The following FMN1 variants were observed in gnomAD, a reference collection of about 807,000 sequenced individuals.
FMN1 encodes the protein formin-1.
A neutral mutation model predicts 132.4 loss-of-function variants in FMN1; 110 were observed. The observed-to-expected ratio is 0.83, with a 90% CI of 0.71 to 0.97. The LOEUF is 0.97. Among genes scored for constraint, FMN1 ranks in the 50% least tolerant of loss-of-function variants. The pLI, the probability that FMN1 is intolerant of heterozygous loss-of-function variation, is 0.00. For synonymous variants in FMN1, 722 were observed against 651.7 expected (o/e 1.11, Z -1.64); for missense variants, 1,792 against 1,705.3 (o/e 1.05, Z -0.90).
At chr15:33,161,228 C>T (rs915954209) in intron 3 of FMN1, among the ~76,000 whole-genome samples, 1 of 152,206 alleles carries the variant, frequency 6.6e-6, no homozygotes, top group Admixed American at 6.5e-5. Context: ...CTCTACCTTT[C>T]ACACCCTCCT....
chr15:32,925,712 T>G (rs1300691719), intron 10 of FMN1, among the ~76,000 whole-genome samples: 1 of 152,164 alleles, frequency 6.6e-6, no homozygotes, highest in East Asian at 1.9e-4. Context: ...ACTGAGTAAC[T>G]ACGATTAATG....
At chr15:32,785,218 A>ATATTT (rs1444523400) in intron 19 of FMN1, among the ~76,000 whole-genome samples, 6 of 39,208 alleles carry the variant, frequency 1.5e-4, no homozygotes, top group East Asian at 5.2e-4. Flanking sequence ...ATATATATAT[A>ATATTT]TTTTTTTTTT....
intron 3 of FMN1, among the ~76,000 whole-genome samples, chr15:33,177,240 T>C (rs1341813791): frequency 2.6e-5 from 4 of 152,238 alleles, no homozygotes; most frequent in Admixed American, 6.5e-5. Flanking sequence ...CTTACAGGAC[T>C]GATTGGGGAC....
chr15:32,862,835 G>C (rs2059304528), intron 16 of FMN1, among the ~76,000 whole-genome samples: 1 of 152,160 alleles, frequency 6.6e-6, no homozygotes, highest in Non-Finnish European at 1.5e-5. Flanking sequence ...GAAAGGAAAG[G>C]TTTATCAGGC....
chr15:33,067,982 A>C (rs2037826341), intron 5 of FMN1: 3 of 1,485,928 alleles, frequency 2.0e-6, no homozygotes, highest in Non-Finnish European at 2.7e-6. Flanking sequence ...CAGGACAGAG[A>C]GCAACAGGAC....
At chr15:33,084,655 A>C (rs1211213603) in intron 5 of FMN1, among the ~76,000 whole-genome samples, 1 of 152,130 alleles carries the variant, frequency 6.6e-6, no homozygotes, top group African/African-American at 2.4e-5. Flanking sequence ...GTTTTCATTT[A>C]GTTTGTTAAA....
In FMN1 at chr15:33,149,042, T is replaced by C. The variant is rs188115919; in HGVS notation, c.1867+4006A>G. Reference sequence around the variant, plus strand: ...AAAAATAAAAGTAGTTAAATCACTCTTGAAGAATCATAAAAGTAACATATT... The same window carrying C: ...AAAAATAAAAGTAGTTAAATCACTCCTGAAGAATCATAAAAGTAACATATT... On this transcript the variant is annotated intron_variant, in intron 4 of 20. Transcript: ENST00000616417. Among the ~76,000 whole-genome samples, 1,032 of 144,876 alleles carry C rather than the reference T, an allele frequency of 7.1e-3. 15 individuals carry two copies. The highest frequency in any genetic ancestry group is 0.027 in the African/African-American group (981 of 36,760).
Position 33,154,375 on chromosome 15 carries a change from T to G in FMN1, c.540A>C (p.Lys180Asn). The G allele has an allele frequency of 6.5e-7, 1 of 1,536,158 alleles. No individual in the cohort carries two copies. The highest frequency in any genetic ancestry group is 8.7e-7 in the Non-Finnish European group (1 of 1,146,914). The part of the protein sequence containing the change: ...GALPQKRTKR[K>N]GRGGRESAPL... ...GAGCTGATTCTCGGCCTCCACGCCC[T>G]TTTCTTTTGGTCCTCTTCTGTGGAA... Residue 180 changes from lysine to asparagine, a missense_variant, in exon 4 of 21, where the codon AAA becomes AAC. Lys to Asn is a moderately conservative substitution (Grantham distance 94). Transcript: ENST00000616417.
At chr15:32,821,531 C>T (rs2058218496) in intron 17 of FMN1, among the ~76,000 whole-genome samples, 1 of 145,028 alleles carries the variant, frequency 6.9e-6, no homozygotes, top group Admixed American at 7.3e-5. Context: ...CGGCTCACTG[C>T]AACCTCTACC....
intron 4 of FMN1, among the ~76,000 whole-genome samples, chr15:33,104,673 C>A (rs1016003063): frequency 2.6e-5 from 4 of 151,906 alleles, no homozygotes; most frequent in African/African-American, 9.7e-5. Context: ...ATGTTTTCCA[C>A]CTAATGTAAT....
Position 32,774,230 on chromosome 15 carries a change from G to T in FMN1, c.*80C>A. ...ATTTAGTGACACATCTTTCAAGAAC[G>T]TCCTGCAACCCTGTGGTCACAAAGA... On this transcript the variant is annotated 3_prime_UTR_variant, in exon 21 of 21. Transcript: ENST00000616417. 9.1e-7 allele frequency: 1 copy of T among 1,096,874 alleles called. No individual in the cohort carries two copies. The highest frequency in any genetic ancestry group is 1.4e-6 in the Non-Finnish European group (1 of 739,186). The allele number at this position is 1,096,874 out of a possible 1,614,324, so 67.9% of individuals were successfully genotyped here. A position where few individuals can be genotyped will look rare whatever the true frequency, so the allele number is the denominator to read the frequency against.
At chr15:33,184,503 T>A (rs1316579200) in intron 2 of FMN1, among the ~76,000 whole-genome samples, 1 of 105,782 alleles carries the variant, frequency 9.5e-6, no homozygotes. Flanking sequence ...TTTTTTTTTC[T>A]TTTTTTTTTT....
chr15:33,004,863 AAAT>A (rs1419657890), intron 7 of FMN1, among the ~76,000 whole-genome samples: 4 of 152,218 alleles, frequency 2.6e-5, no homozygotes, highest in Admixed American at 2.0e-4. Flanking sequence ...CAGCCATAAA[AAAT>A]GATGAGTTCA....
chr15:33,004,707 T>C (rs1448164389), intron 7 of FMN1, among the ~76,000 whole-genome samples: 3 of 152,194 alleles, frequency 2.0e-5, no homozygotes, highest in African/African-American at 4.8e-5. Flanking sequence ...CAAAGGATTA[T>C]AAATCATGCT....
At position 32,980,969 on chromosome 15, in the gene FMN1, G is replaced by A. The variant is rs377443058; in HGVS notation, c.2224-11492C>T. ...GCGGAGGTTGCAGTAAGCAGAGATCGTGCCACTGCACCCCAGCCTGGGCAG... is the reference window on the plus strand; with the variant it reads ...GCGGAGGTTGCAGTAAGCAGAGATCATGCCACTGCACCCCAGCCTGGGCAG... On this transcript the variant is annotated intron_variant, in intron 7 of 20. Transcript: ENST00000616417. Among the ~76,000 whole-genome samples the A allele has an allele frequency of 8.5e-5, 13 of 152,282 alleles. No individual in the cohort carries two copies. The South Asian group carries it at 1.0e-3, about 12-fold the overall frequency.
At chr15:33,166,271 G>A (rs1041303598) in intron 3 of FMN1, among the ~76,000 whole-genome samples, 2 of 151,324 alleles carry the variant, frequency 1.3e-5, no homozygotes, top group Admixed American at 6.6e-5. Flanking sequence ...TGGACTCTCC[G>A]TATGCTGCTG....
At chr15:33,107,260 C>T (rs1053795035) in intron 4 of FMN1, among the ~76,000 whole-genome samples, 1 of 152,020 alleles carries the variant, frequency 6.6e-6, no homozygotes, top group Non-Finnish European at 1.5e-5. Flanking sequence ...TACGCCACTA[C>T]CTCTCTCATC....
chr15:33,064,495 G>T (rs1489001895), intron 6 of FMN1: 1 of 152,288 alleles, frequency 6.6e-6, no homozygotes, highest in African/African-American at 2.4e-5. Context: ...TCTCACAAAA[G>T]TGAACGAGTA....
intron 15 of FMN1, 130 bp downstream of exon 15, chr15:32,898,704 A>G (rs996461965): frequency 4.9e-6 from 3 of 612,238 alleles, no homozygotes; most frequent in Non-Finnish European, 5.8e-6. Flanking sequence ...GCTCATCTGT[A>G]AACCACGCTG....
Sources: allele counts gnomAD v4.1 joint callset (sites outside exome capture counted in the v4.1 genomes callset), GRCh38; gene constraint gnomAD v4.1.1; transcripts MANE v1.5; gene names NCBI Gene and HGNC (gene_info 2026-07-23, HGNC 2026-07-21).